NUMB: variants seen among roughly 807,000 people sequenced by gnomAD.
The protein encoded by NUMB is NUMB endocytic adaptor protein.
A neutral mutation model predicts 59.7 loss-of-function variants in NUMB; 29 were observed. That is an observed-to-expected ratio of 0.49 (90% CI 0.36 to 0.66). NUMB has a LOEUF of 0.66. Among genes scored for constraint, NUMB ranks in the 30% least tolerant of loss-of-function variants. The pLI is 0.00. For synonymous variants in NUMB, 288 were observed against 288.2 expected (o/e 1.00, Z 0.01); for missense variants, 723 against 822.0 (o/e 0.88, Z 1.47).
chr14:73,385,177 T>A (rs1208724142), intron 2 of NUMB, among the ~76,000 whole-genome samples: 1 of 151,926 alleles, frequency 6.6e-6, no homozygotes, highest in Non-Finnish European at 1.5e-5. Context: ...TATTTTATTT[T>A]TTTAGAGACA....
intron 6 of NUMB, among the ~76,000 whole-genome samples, chr14:73,302,183 T>C (rs1312731675): frequency 1.3e-5 from 2 of 152,226 alleles, no homozygotes; most frequent in Non-Finnish European, 2.9e-5. Context: ...ATTTGTCATA[T>C]TTCATGGCCT....
chr14:73,415,850 C>G (rs912594886), intron 1 of NUMB, among the ~76,000 whole-genome samples: 3 of 151,758 alleles, frequency 2.0e-5, no homozygotes, highest in Non-Finnish European at 4.4e-5. Context: ...AGTAATTATG[C>G]AATACTTTAG....
In NUMB at chr14:73,323,139, T is replaced by A. The variant is rs746651034; in HGVS notation, c.192A>T (p.Arg64Ser). ...ACCATCAAATACATACAGCTTTCAA[T>A]CTTTTTACAGCATCTTCACAGATGT... The part of the protein sequence containing the change: ...GMHICEDAVK[R>S]LKAERKFFKG... Residue 64 changes from arginine to serine, a missense_variant, in exon 5 of 13, where the codon AGA (arginine) becomes AGT (serine). By Grantham distance (110) the Arg-to-Ser change is moderately radical. Around this residue, in one of 2 missense-constraint regions of NUMB, gnomAD observed 317 missense variants for 436.6 expected, o/e 0.73. Transcript: ENST00000555238. 1.2e-6 allele frequency: 2 copies of A among 1,611,698 alleles called. No homozygotes were observed. The highest frequency in any genetic ancestry group is 2.2e-5 in the South Asian group (2 of 90,994).
chr14:73,430,216 T>C (rs141137232), intron 1 of NUMB, among the ~76,000 whole-genome samples: 1 of 152,178 alleles, frequency 6.6e-6, no homozygotes, highest in Non-Finnish European at 1.5e-5. Flanking sequence ...GTGACTGTGT[T>C]TTCATTTTAC....
In NUMB at chr14:73,373,068, T is replaced by C. The variant is rs183827271; in HGVS notation, c.-100-6087A>G. Among the ~76,000 whole-genome samples, 247 of 152,338 alleles carry C rather than the reference T, an allele frequency of 1.6e-3. 1 individual carries two copies. The highest frequency in any genetic ancestry group is 5.7e-3 in the African/African-American group (235 of 41,588). On this transcript the variant is annotated intron_variant, in intron 2 of 12. Coordinates refer to ENST00000555238, the MANE Select transcript of NUMB (RefSeq NM_001005743.2). Reference sequence around the variant, plus strand: ...AAAATTGTAACCAGGATTCTCTCTCTCACTGACGTTGGAATAGAGCTTTAC... The same window carrying C: ...AAAATTGTAACCAGGATTCTCTCTCCCACTGACGTTGGAATAGAGCTTTAC...
At chr14:73,357,541 G>A (rs745831598) in intron 3 of NUMB, among the ~76,000 whole-genome samples, 2 of 151,750 alleles carry the variant, frequency 1.3e-5, no homozygotes, top group Middle Eastern at 3.5e-3. Flanking sequence ...GGTGAATCAC[G>A]AGGTCAGGAA....
At chr14:73,289,870 A>T (rs1288738587) in intron 8 of NUMB, among the ~76,000 whole-genome samples, 1 of 152,184 alleles carries the variant, frequency 6.6e-6, no homozygotes, top group Non-Finnish European at 1.5e-5. Flanking sequence ...CAGGTCAAGG[A>T]AGCTTGCTTA....
chr14:73,411,740 T>C (rs1358628325), intron 1 of NUMB, among the ~76,000 whole-genome samples: 3 of 152,160 alleles, frequency 2.0e-5, no homozygotes, highest in South Asian at 2.1e-4. Context: ...AAATTAAAGT[T>C]ATAGTAGCTA....
chr14:73,407,534 G>A (rs1042967624), intron 2 of NUMB, among the ~76,000 whole-genome samples: 8 of 152,148 alleles, frequency 5.3e-5, no homozygotes, highest in Admixed American at 1.3e-4. Context: ...CTGATCATTC[G>A]CAGTTGAGAA....
intron 4 of NUMB, among the ~76,000 whole-genome samples, chr14:73,351,505 T>A (rs149721134): frequency 0.025 from 3,803 of 151,172 alleles, 78 homozygotes; most frequent in Middle Eastern, 0.065. Context: ...ATAAATTAAT[T>A]AATTAAATTA....
chr14:73,423,957 C>T lies in NUMB; in HGVS notation c.-232-13889G>A, dbSNP rs186001657. Among the ~76,000 whole-genome samples, 931 of 133,010 alleles carry T rather than the reference C, an allele frequency of 7.0e-3. 28 individuals are homozygous for T. Among genetic ancestry groups the T allele is most frequent in the Admixed American group, 0.047 (613 of 13,108 alleles). The allele number at this position is 133,010 out of a possible 152,430, so 87.3% of individuals were successfully genotyped here. ...CTCCAGCATGGGTGACAGAGTGAGA[C>T]CCTGTCTCCAAAAAAAAAAAAAAAA... On this transcript the variant is annotated intron_variant, in intron 1 of 12. Transcript: ENST00000555238.
At position 73,455,545 on chromosome 14, in the gene NUMB, T is replaced by G. The variant is rs191716698; in HGVS notation, c.-233+2948A>C. Among the ~76,000 whole-genome samples the G allele has an allele frequency of 1.1e-3, 162 of 152,372 alleles. 1 individual carries two copies. The highest frequency in any genetic ancestry group is 3.1e-3 in the South Asian group (15 of 4,830). On this transcript the variant is annotated intron_variant, in intron 1 of 12. Coordinates refer to ENST00000555238, the MANE Select transcript of NUMB (RefSeq NM_001005743.2). ...AAAAGCTCCCTCTTAATAAATGATTTACTTTGTAGTTAAGCCTCTATCCCA... is the reference window on the plus strand; with the variant it reads ...AAAAGCTCCCTCTTAATAAATGATTGACTTTGTAGTTAAGCCTCTATCCCA...
Position 73,284,155 on chromosome 14 carries a change from C to T in NUMB, c.875G>A (p.Arg292His), listed in dbSNP as rs1485074137. The T allele has an allele frequency of 5.6e-6, 9 of 1,613,974 alleles. No individual in the cohort carries two copies. The highest frequency in any genetic ancestry group is 7.6e-6 in the Non-Finnish European group (9 of 1,180,022). ...ALSQKMSPFKRQLSLRINELP... is the reference protein window; with the variant it reads ...ALSQKMSPFKHQLSLRINELP... ...CTCATTGATGCGTAGGGATAGTTGG[C>T]GTTTAAAGGGTGACATCTTCTGGCT... Residue 292 changes from arginine to histidine, a missense_variant, in exon 10 of 13, where the codon CGC becomes CAC. This residue lies in a region of NUMB where 317 missense variants were observed against 436.6 expected (regional missense o/e 0.73). Coordinates refer to ENST00000555238, the MANE Select transcript of NUMB (RefSeq NM_001005743.2).
chr14:73,402,644 C>T (rs1035908583), intron 2 of NUMB, among the ~76,000 whole-genome samples: 58 of 152,270 alleles, frequency 3.8e-4, no homozygotes, highest in Non-Finnish European at 5.1e-4. Context: ...GTATTAGGTA[C>T]TTTACATAAA....
At chr14:73,284,541 A>T in intron 9 of NUMB, 167 bp from the exon 10 acceptor site, 2 of 601,798 alleles carry the variant, frequency 3.3e-6, no homozygotes, top group Non-Finnish European at 5.9e-6. Flanking sequence ...CAGACAGATA[A>T]AAGGCTTAGT....
intron 1 of NUMB, among the ~76,000 whole-genome samples, chr14:73,452,995 T>C (rs1376053881): frequency 1.3e-5 from 2 of 152,184 alleles, no homozygotes; most frequent in Non-Finnish European, 2.9e-5. Flanking sequence ...GAACCACTCA[T>C]TCCTCTAGAT....
chr14:73,396,321 G>GGTGTGTGTGTGT (rs200195176), intron 2 of NUMB, among the ~76,000 whole-genome samples: 3 of 144,220 alleles, frequency 2.1e-5, no homozygotes, highest in East Asian at 2.0e-4. Context: ...AATTATTAGG[G>GGTGTGTGTGTGT]GTGTGTGTGT....
intron 1 of NUMB, among the ~76,000 whole-genome samples, chr14:73,424,792 C>A (rs537220616): frequency 6.6e-6 from 1 of 152,128 alleles, no homozygotes; most frequent in African/African-American, 2.4e-5. Context: ...AACCCCAAAT[C>A]CAAGAAGAAA....
At chr14:73,369,158 C>T (rs1228961612) in intron 2 of NUMB, among the ~76,000 whole-genome samples, 8 of 151,844 alleles carry the variant, frequency 5.3e-5, no homozygotes, top group East Asian at 1.9e-4. Context: ...TCTCCTGCCT[C>T]GGCCTCCTGA....
Sources: gnomAD v4.1 joint callset for allele counts (sites outside exome capture counted in the v4.1 genomes callset) on GRCh38, gnomAD v4.1.1 for gene constraint, gnomAD v4.1.1 regional missense constraint, MANE v1.5 for transcripts, NCBI Gene and HGNC (gene_info 2026-07-23, HGNC 2026-07-21) for gene names.